Variants in KIF6 observed in about 807,000 individuals in gnomAD.
KIF6 encodes kinesin-like protein KIF6.
A neutral mutation model predicts 112.7 loss-of-function variants in KIF6; 106 were observed. The ratio of observed to expected loss-of-function variants is 0.94; its 90% CI spans 0.80 to 1.11. The LOEUF is 1.11. Ranked by LOEUF, KIF6 falls within the 50% of genes least tolerant of loss-of-function variation. The pLI is 0.00. For synonymous variants in KIF6, 339 were observed against 339.9 expected, an observed-to-expected ratio of 1.00 and a Z score of 0.03; for missense variants, 929 against 964.0, an observed-to-expected ratio of 0.96 and a Z score of 0.48.
intron 3 of KIF6, among the ~76,000 whole-genome samples, chr6:39,665,264 C>T (rs574600087): frequency 2.6e-5 from 4 of 152,256 alleles, no homozygotes; most frequent in South Asian, 2.1e-4. Context: ...CAAATGCAGA[C>T]GTACAAAATG....
At chr6:39,571,189 C>T (rs1466612494) in intron 10 of KIF6, among the ~76,000 whole-genome samples, 1 of 152,010 alleles carries the variant, frequency 6.6e-6, no homozygotes, top group Non-Finnish European at 1.5e-5. Context: ...CCTTTTTTAC[C>T]CCTTTTATAT....
intron 13 of KIF6, among the ~76,000 whole-genome samples, chr6:39,532,941 A>C (rs1170125971): frequency 1.3e-5 from 2 of 152,214 alleles, no homozygotes; most frequent in Non-Finnish European, 2.9e-5. Flanking sequence ...GCCTAACAGA[A>C]ACACACGCGA....
chr6:39,526,209 C>A (rs1248109725), intron 13 of KIF6, among the ~76,000 whole-genome samples: 3 of 152,166 alleles, frequency 2.0e-5, no homozygotes, highest in Non-Finnish European at 4.4e-5. Context: ...ATTTTAATAT[C>A]CATAGGGAAT....
intron 13 of KIF6, among the ~76,000 whole-genome samples, chr6:39,502,655 C>T (rs1415873984): frequency 3.3e-5 from 5 of 152,046 alleles, no homozygotes; most frequent in African/African-American, 1.2e-4. Context: ...GGAAAATTTA[C>T]CAAGCAAATG....
At chr6:39,416,124 C>T (rs1769902334) in intron 15 of KIF6, among the ~76,000 whole-genome samples, 1 of 152,218 alleles carries the variant, frequency 6.6e-6, no homozygotes, top group Non-Finnish European at 1.5e-5. Context: ...TACCTGCCTG[C>T]AAGGCAGCTG....
In KIF6 at chr6:39,586,339, A is replaced by G. The variant is rs2150663152; in HGVS notation, c.912T>C (p.Ser304=). 1.2e-6 allele frequency: 2 copies of G among 1,614,004 alleles called. No homozygotes were observed. The highest frequency in any genetic ancestry group is 1.7e-6 in the Non-Finnish European group (2 of 1,179,840). The part of the protein sequence containing the change: ...HIPYRNSMMT[S]VLRDSLGGNC... ...TCCCTCCCAAACTGTCTCTTAGGAC[A>G]CTGGTCATCATGGAGTTTCTATAAG... Residue 304 remains serine, a synonymous_variant, in exon 8 of 23, where the codon AGT becomes AGC. Transcript: ENST00000287152.
At chr6:39,390,336 G>A (rs567627346) in intron 15 of KIF6, among the ~76,000 whole-genome samples, 12 of 152,252 alleles carry the variant, frequency 7.9e-5, no homozygotes, top group East Asian at 1.9e-4. Flanking sequence ...CAGGTCAAGC[G>A]GCTAAATGTC....
chr6:39,377,239 AG>A (rs1246409149), intron 16 of KIF6, among the ~76,000 whole-genome samples: 3 of 152,116 alleles, frequency 2.0e-5, no homozygotes, highest in Non-Finnish European at 4.4e-5. Flanking sequence ...TCTAGAAATG[AG>A]GTCTCGCTAT....
intron 4 of KIF6, among the ~76,000 whole-genome samples, chr6:39,638,302 T>A (rs1784730537): frequency 1.3e-5 from 2 of 152,112 alleles, no homozygotes; most frequent in Admixed American, 1.3e-4. Flanking sequence ...CAAGGCCACA[T>A]GCTGTAAGCA....
chr6:39,577,410 T>G (rs1343233520), intron 10 of KIF6, among the ~76,000 whole-genome samples: 1 of 152,254 alleles, frequency 6.6e-6, no homozygotes, highest in African/African-American at 2.4e-5. Context: ...CTTCAAAGCC[T>G]GGCCCATTCT....
Position 39,529,610 on chromosome 6 carries a change from C to A in KIF6, c.1645+10393G>T, listed in dbSNP as rs562430070. On this transcript the variant is annotated intron_variant, in intron 13 of 22. Coordinates refer to ENST00000287152, the MANE Select transcript of KIF6 (RefSeq NM_145027.6). ...GACTATTCTGGTTAACACAGTGAAACCCCGTCTCTACTAAAAAATACAAAA... is the reference window on the plus strand; with the variant it reads ...GACTATTCTGGTTAACACAGTGAAAACCCGTCTCTACTAAAAAATACAAAA... Among the ~76,000 whole-genome samples, 4 of 152,198 alleles carry A rather than the reference C, an allele frequency of 2.6e-5. No individual in the cohort carries two copies. The South Asian group carries it at 8.3e-4, about 32-fold the overall frequency.
At chr6:39,495,348 G>A (rs953569283) in intron 13 of KIF6, among the ~76,000 whole-genome samples, 9 of 152,176 alleles carry the variant, frequency 5.9e-5, no homozygotes, top group African/African-American at 1.9e-4. Context: ...CCTGGAAGAG[G>A]AAGCACTTGG....
intron 7 of KIF6, among the ~76,000 whole-genome samples, chr6:39,594,256 AC>A (rs1782115826): frequency 6.6e-6 from 1 of 152,152 alleles, no homozygotes. Flanking sequence ...TTGAGTGATT[AC>A]AATTGGTGGG....
intron 7 of KIF6, among the ~76,000 whole-genome samples, chr6:39,590,451 A>ATATTT (rs1338373703): frequency 5.9e-5 from 5 of 84,752 alleles, no homozygotes; most frequent in Non-Finnish European, 9.0e-5. Flanking sequence ...ATATATATAT[A>ATATTT]TTTTTTTTTT....
At chr6:39,522,700 C>A (rs1413560693) in intron 13 of KIF6, among the ~76,000 whole-genome samples, 1 of 152,198 alleles carries the variant, frequency 6.6e-6, no homozygotes, top group Non-Finnish European at 1.5e-5. Flanking sequence ...TGAACCACAT[C>A]CATCTCCTTC....
chr6:39,603,724 AAACT>A (rs1423109008), intron 6 of KIF6, among the ~76,000 whole-genome samples: 2 of 152,100 alleles, frequency 1.3e-5, no homozygotes, highest in Admixed American at 6.6e-5. Context: ...GCTTTTAGTT[AAACT>A]AATGTTTTCA....
chr6:39,522,044 T>C (rs916648473), intron 13 of KIF6, among the ~76,000 whole-genome samples: 5 of 151,910 alleles, frequency 3.3e-5, no homozygotes, highest in African/African-American at 1.2e-4. Flanking sequence ...CCTCATTCCA[T>C]TGCAGTTTAA....
chr6:39,500,727 T>C (rs1776077382), intron 13 of KIF6, among the ~76,000 whole-genome samples: 1 of 152,070 alleles, frequency 6.6e-6, no homozygotes. Context: ...ACACATGCCA[T>C]CGTTGTTATC....
intron 5 of KIF6, among the ~76,000 whole-genome samples, chr6:39,626,178 C>T (rs2150743898): frequency 6.6e-6 from 1 of 152,254 alleles, no homozygotes; most frequent in South Asian, 2.1e-4. Flanking sequence ...GAATCCAGGG[C>T]ATCTTGTCAC....
Sources: allele counts gnomAD v4.1 joint callset (sites outside exome capture counted in the v4.1 genomes callset), GRCh38; gene constraint gnomAD v4.1.1; transcripts MANE v1.5; gene names NCBI Gene and HGNC (gene_info 2026-07-23, HGNC 2026-07-21).